Variants in MYBPC2 observed in about 807,000 individuals in gnomAD.
MYBPC2 encodes the protein myosin binding protein C2.
In MYBPC2, 122 loss-of-function variants were observed where a neutral mutation model predicts 137.0. The ratio of observed to expected loss-of-function variants is 0.89; its 90% CI spans 0.77 to 1.03. The LOEUF is 1.03. Among genes scored for constraint, MYBPC2 ranks in the 50% least tolerant of loss-of-function variants. The probability of loss-of-function intolerance (pLI) is 0.00; values close to 1 mark genes in which losing one functional copy is unlikely to be tolerated. For missense variants in MYBPC2, 1,500 were observed against 1,534.4 expected (o/e 0.98, Z 0.37); for synonymous variants, 626 against 612.3 (o/e 1.02, Z -0.33).
chr19:50,435,686 A>G lies in MYBPC2; in HGVS notation c.110-90A>G, dbSNP rs1416754720. The G allele has an allele frequency of 2.7e-6, 3 of 1,099,104 alleles. No homozygotes were observed. Among genetic ancestry groups the G allele is most frequent in the African/African-American group, 1.6e-5 (1 of 62,630 alleles). 68.1% of individuals were successfully genotyped at this position (1,099,104 alleles called of 1,614,324 possible). A position where few individuals can be genotyped will look rare whatever the true frequency, so the allele number is the denominator to read the frequency against. ...TTGGTTTCTGAGTAGAGGGGCCCTC[A>G]CTGTCTCTAAGTCCTTTCCCCAAAG... On this transcript the variant is annotated intron_variant, in intron 2 of 27. Transcript: ENST00000357701. This position sits in a 1 kb window ranked among gnomAD's most constrained non-coding sequence, Gnocchi z 4.8.
chr19:50,437,354 T>A (rs757602957), intron 5 of MYBPC2, 119 bp from the exon 6 acceptor site: 13 of 1,142,362 alleles, frequency 1.1e-5, no homozygotes, highest in Non-Finnish European at 1.6e-5. Flanking sequence ...GTTGTGCTGG[T>A]CCAAGAGATG....
intron 15 of MYBPC2, 125 bp downstream of exon 15, chr19:50,451,434 T>G (rs1465847673): frequency 1.0e-4 from 29 of 290,788 alleles, no homozygotes; most frequent in Admixed American, 1.9e-4. Flanking sequence ...GGAGGATGAG[T>G]GGGGAGAGGA....
chr19:50,461,747 C>T (rs753127744), intron 25 of MYBPC2, 46 bp downstream of exon 25: 1 of 1,609,236 alleles, frequency 6.2e-7, no homozygotes. Flanking sequence ...CGTCCACCCT[C>T]TCGCCCAGGT....
chr19:50,436,217 T>G, intron 4 of MYBPC2, 57 bp downstream of exon 4: 1 of 1,536,854 alleles, frequency 6.5e-7, no homozygotes, highest in Non-Finnish European at 8.8e-7. Flanking sequence ...GTGCAGGACA[T>G]GCTCCTCAGA....
At chr19:50,462,682 T>C (rs2039982470) in intron 26 of MYBPC2, among the ~76,000 whole-genome samples, 1 of 152,194 alleles carries the variant, frequency 6.6e-6, no homozygotes, top group South Asian at 2.1e-4. Flanking sequence ...GTTCAAGCGA[T>C]TCTCCTGTCT....
chr19:50,458,826 G>A, intron 21 of MYBPC2, 72 bp downstream of exon 21: 3 of 1,596,864 alleles, frequency 1.9e-6, no homozygotes, highest in Non-Finnish European at 2.6e-6. Flanking sequence ...CCGTGTCGTC[G>A]ACAGGACCTC....
At chr19:50,461,755 G>A in intron 25 of MYBPC2, 54 bp downstream of exon 25, 1 of 1,605,648 alleles carries the variant, frequency 6.2e-7, no homozygotes, top group Non-Finnish European at 8.5e-7. Flanking sequence ...CTCTCGCCCA[G>A]GTCCCACCTG....
intron 13 of MYBPC2, 71 bp downstream of exon 13, chr19:50,448,461 C>T: frequency 1.3e-6 from 2 of 1,528,286 alleles, no homozygotes; most frequent in Admixed American, 4.2e-5. Context: ...GTGTAACAAG[C>T]TGTCCCCCAT....
Position 50,440,877 on chromosome 19 carries a change from C to T in MYBPC2, c.573-3C>T. 1 of 1,610,912 alleles carries T rather than the reference C, an allele frequency of 6.2e-7. No homozygotes were observed. The highest frequency in any genetic ancestry group is 8.5e-7 in the Non-Finnish European group (1 of 1,178,348). On this transcript the variant is annotated splice_region_variant and splice_polypyrimidine_tract_variant and intron_variant, in intron 7 of 27. Transcript: ENST00000357701. The stretch of plus-strand genomic sequence containing the variant: ...GGCCCCTGTCCGTTCCCCCACCCGC[C>T]AGGGAGGTGGTGGAGGAGGAGAAGA...
intron 24 of MYBPC2, among the ~76,000 whole-genome samples, chr19:50,460,728 T>TTACTCTGTCACCCAGGCTGGAGTGC: frequency 6.6e-6 from 1 of 152,352 alleles, no homozygotes; most frequent in East Asian, 1.9e-4. Flanking sequence ...AGACAGGGTC[T>TTACTCTGTCACCCAGGCTGGAGTGC]TACTCTGTCA....
At position 50,465,703 on chromosome 19, in the gene MYBPC2, G is replaced by A. The variant is rs2040009513; in HGVS notation, c.3416-492G>A. Among the ~76,000 whole-genome samples the A allele has an allele frequency of 6.6e-6, 1 of 152,266 alleles. No homozygotes were observed. Among genetic ancestry groups the A allele is most frequent in the Non-Finnish European group, 1.5e-5 (1 of 68,024 alleles). ...CTAAAAATACAAAAAAATTTAGCCG[G>A]GCCTGGTGGCACATGCCTGTTGTCC... On this transcript the variant is annotated intron_variant, in intron 27 of 27. Transcript: ENST00000357701. The surrounding 1 kb of genome is among the most constrained non-coding windows in gnomAD (Gnocchi z 4.5).
chr19:50,435,921 G>A lies in MYBPC2; in HGVS notation c.196+59G>A. On this transcript the variant is annotated intron_variant, in intron 3 of 27. Transcript: ENST00000357701. This position sits in a 1 kb window ranked among gnomAD's most constrained non-coding sequence, Gnocchi z 4.8. ...CCGGACTCCTGGGTCTGAGGGAGGA[G>A]GGGCCAGGGTCTCGTTCTGTCTCCC... 2 of 1,548,784 alleles carry A rather than the reference G, an allele frequency of 1.3e-6. No homozygotes were observed. Among genetic ancestry groups the A allele is most frequent in the Non-Finnish European group, 8.7e-7 (1 of 1,143,308 alleles).
In MYBPC2 at chr19:50,435,691, C is replaced by G; in HGVS notation, c.110-85C>G. 11 of 1,177,048 alleles carry G rather than the reference C, an allele frequency of 9.3e-6. No homozygotes were observed. The highest frequency in any genetic ancestry group is 1.3e-5 in the Non-Finnish European group (11 of 838,480). 72.9% of individuals were successfully genotyped at this position (1,177,048 alleles called of 1,614,324 possible). A position where few individuals can be genotyped will look rare whatever the true frequency, so the allele number is the denominator to read the frequency against. On this transcript the variant is annotated intron_variant, in intron 2 of 27. Transcript: ENST00000357701. The surrounding 1 kb of genome is among the most constrained non-coding windows in gnomAD (Gnocchi z 4.8). ...TTCTGAGTAGAGGGGCCCTCACTGTCTCTAAGTCCTTTCCCCAAAGCGGCC... is the reference window on the plus strand; with the variant it reads ...TTCTGAGTAGAGGGGCCCTCACTGTGTCTAAGTCCTTTCCCCAAAGCGGCC...
At position 50,461,590 on chromosome 19, in the gene MYBPC2, T is replaced by TC; in HGVS notation, c.2982dup (p.Asp995ArgfsTer7). 1 of 1,613,776 alleles carries TC rather than the reference T, an allele frequency of 6.2e-7. No individual in the cohort carries two copies. Among genetic ancestry groups the TC allele is most frequent in the Non-Finnish European group, 8.5e-7 (1 of 1,179,866 alleles). ...TAACAGGCACACTAGCTGTACTGTG[T>TC]CCGACCTTATCGTGGGCAATGAATA... On this transcript the variant is annotated frameshift_variant, in exon 25 of 28. Transcript: ENST00000357701. LOFTEE classifies it high-confidence loss of function.
chr19:50,465,410 G>A lies in MYBPC2; in HGVS notation c.3416-785G>A, dbSNP rs73054474. Among the ~76,000 whole-genome samples the A allele has an allele frequency of 0.22, 34,073 of 152,106 alleles. 4,208 individuals are homozygous for A. The highest frequency in any genetic ancestry group is 0.28 in the Non-Finnish European group (19,014 of 67,958). On this transcript the variant is annotated intron_variant, in intron 27 of 27. Transcript: ENST00000357701. The surrounding 1 kb of genome is among the most constrained non-coding windows in gnomAD (Gnocchi z 4.5). ...AGGCTCAGCGAGGAGGCCACTAACCGTGTCCCTCAGAGCAGGATGACATCA... is the reference window on the plus strand; with the variant it reads ...AGGCTCAGCGAGGAGGCCACTAACCATGTCCCTCAGAGCAGGATGACATCA...
At chr19:50,458,068 TTGGGAGGCCGAGG>T (rs2039930003) in intron 20 of MYBPC2, among the ~76,000 whole-genome samples, 1 of 151,004 alleles carries the variant, frequency 6.6e-6, no homozygotes, top group African/African-American at 2.4e-5. Flanking sequence ...TCCCAGCACT[TTGGGAGGCCGAGG>T]TGGGCGGATC....
chr19:50,441,573 C>G (rs1170883127), intron 8 of MYBPC2, among the ~76,000 whole-genome samples: 1 of 152,184 alleles, frequency 6.6e-6, no homozygotes, highest in Non-Finnish European at 1.5e-5. Flanking sequence ...GGTGCAGTGG[C>G]TCACGCCTGT....
chr19:50,444,874 C>T (rs1358499277), intron 11 of MYBPC2, among the ~76,000 whole-genome samples: 4 of 116,888 alleles, frequency 3.4e-5, no homozygotes, highest in South Asian at 3.1e-4. Context: ...AGCGAGACTC[C>T]GTCTCAAAAA....
intron 18 of MYBPC2, among the ~76,000 whole-genome samples, chr19:50,454,573 C>T (rs982763373): frequency 1.3e-5 from 2 of 151,742 alleles, no homozygotes; most frequent in African/African-American, 4.8e-5. Context: ...TTACAGGTGC[C>T]CACCACCACG....
Sources: allele counts gnomAD v4.1 joint callset (sites outside exome capture counted in the v4.1 genomes callset), GRCh38; gene constraint gnomAD v4.1.1; non-coding constraint Gnocchi (gnomAD v3.1); transcripts MANE v1.5; gene names NCBI Gene and HGNC (gene_info 2026-07-23, HGNC 2026-07-21).